Variants in HDAC9 observed in about 807,000 individuals in gnomAD.
HDAC9 encodes the protein histone deacetylase 9.
Under a neutral mutation model 139.4 loss-of-function variants are expected in HDAC9, and 41 were observed. That is an observed-to-expected ratio of 0.29 (90% confidence interval 0.23 to 0.38). The LOEUF (loss-of-function observed/expected upper bound fraction) is 0.38, where lower values mean the gene tolerates loss of function less well. HDAC9 is among the 10% of genes least tolerant of loss of function. HDAC9 has a pLI of 1.00. For synonymous variants in HDAC9, 517 were observed against 476.2 expected (o/e 1.09, Z -1.12); for missense variants, 1,147 against 1,297.0 (o/e 0.88, Z 1.78).
chr7:18,733,331 ATGTGTATGTGTG>A (rs1487630258), intron 13 of HDAC9, among the ~76,000 whole-genome samples: 10 of 149,990 alleles, frequency 6.7e-5, no homozygotes, highest in Non-Finnish European at 1.5e-4. Context: ...ACATGTATAT[ATGTGTATGTGTG>A]TGTGTATGTA....
chr7:18,138,529 T>A (rs980175229), intron 1 of HDAC9, among the ~76,000 whole-genome samples: 1 of 85,566 alleles, frequency 1.2e-5, no homozygotes, highest in Non-Finnish European at 2.0e-5. Flanking sequence ...GAGAGAGAGG[T>A]GTGTGTGTGT....
chr7:18,544,183 A>T (rs1441869207), intron 2 of HDAC9, among the ~76,000 whole-genome samples: 1 of 152,228 alleles, frequency 6.6e-6, no homozygotes, highest in Non-Finnish European at 1.5e-5. Context: ...GCTTGGATCT[A>T]GGTGACAACA....
chr7:18,218,944 A>G (rs1178375), intron 2 of HDAC9, among the ~76,000 whole-genome samples: 11,477 of 152,214 alleles, frequency 0.075, 843 homozygotes, highest in African/African-American at 0.19. Context: ...GGGTCAAGGC[A>G]TGTAAACATT....
At chr7:18,554,707 T>TC (rs1818266193) in intron 2 of HDAC9, among the ~76,000 whole-genome samples, 1 of 152,324 alleles carries the variant, frequency 6.6e-6, no homozygotes, top group East Asian at 1.9e-4. Context: ...TTCTTTTTTT[T>TC]CTGCCCTGGA....
intron 2 of HDAC9, among the ~76,000 whole-genome samples, chr7:18,247,259 A>G (rs1454859414): frequency 6.6e-6 from 1 of 152,024 alleles, no homozygotes; most frequent in Non-Finnish European, 1.5e-5. Flanking sequence ...GAAATCGCTG[A>G]GGGATTGAGT....
intron 2 of HDAC9, among the ~76,000 whole-genome samples, chr7:18,178,835 C>T (rs547264893): frequency 2.9e-4 from 44 of 152,238 alleles, no homozygotes; most frequent in South Asian, 1.0e-3. Context: ...GGAAAACATC[C>T]GGCTTAAAAT....
chr7:18,863,014 A>G (rs1460846345), intron 21 of HDAC9, among the ~76,000 whole-genome samples: 2 of 152,154 alleles, frequency 1.3e-5, no homozygotes, highest in Non-Finnish European at 2.9e-5. Context: ...TATTCTTGTA[A>G]TTATCATCCC....
intron 25 of HDAC9, among the ~76,000 whole-genome samples, chr7:18,986,346 G>T (rs1415680391): frequency 3.6e-5 from 1 of 28,138 alleles, no homozygotes; most frequent in African/African-American, 1.4e-4. Flanking sequence ...CCCATTGCTT[G>T]TTTTTCTCAG....
chr7:18,857,903 TGA>T (rs1306406396), intron 21 of HDAC9, among the ~76,000 whole-genome samples: 3 of 152,148 alleles, frequency 2.0e-5, no homozygotes, highest in Non-Finnish European at 4.4e-5. Flanking sequence ...ATCTGCTACT[TGA>T]AAAGATTTTT....
At chr7:18,739,980 A>G (rs961749956) in intron 13 of HDAC9, among the ~76,000 whole-genome samples, 8 of 152,154 alleles carry the variant, frequency 5.3e-5, no homozygotes, top group Non-Finnish European at 1.2e-4. Flanking sequence ...GCAATGGCAG[A>G]CACCCCTTCC....
chr7:18,313,722 AATAAC>A (rs2128627792), intron 1 of HDAC9, among the ~76,000 whole-genome samples: 1 of 152,320 alleles, frequency 6.6e-6, no homozygotes, highest in Non-Finnish European at 1.5e-5. Flanking sequence ...CCACTGGAAT[AATAAC>A]ATAGCCTTAA....
At chr7:18,136,904 A>G (rs960788565) in intron 1 of HDAC9, among the ~76,000 whole-genome samples, 1 of 151,614 alleles carries the variant, frequency 6.6e-6, no homozygotes, top group African/African-American at 2.4e-5. Flanking sequence ...CAGTATGGCC[A>G]TTTTCACGAT....
chr7:18,745,471 G>C (rs192430540), intron 13 of HDAC9, among the ~76,000 whole-genome samples: 2 of 148,552 alleles, frequency 1.3e-5, no homozygotes, highest in East Asian at 4.1e-4. Flanking sequence ...GGTAAGCTTA[G>C]ATATGTCAAG....
At chr7:18,895,217 T>C (rs1318809874) in intron 22 of HDAC9, among the ~76,000 whole-genome samples, 6 of 152,156 alleles carry the variant, frequency 3.9e-5, no homozygotes, top group African/African-American at 7.2e-5. Context: ...CCATATTCGA[T>C]AGGGCTCAGG....
chr7:18,340,955 A>G (rs7777798), intron 1 of HDAC9, among the ~76,000 whole-genome samples: 56,360 of 149,964 alleles, frequency 0.38, 12,156 homozygotes, highest in Non-Finnish European at 0.47. Context: ...AGTCTTTTCC[A>G]TTTTCTGTAA....
chr7:18,773,301 A>G (rs1376031903), intron 16 of HDAC9, among the ~76,000 whole-genome samples: 1 of 151,844 alleles, frequency 6.6e-6, no homozygotes, highest in Non-Finnish European at 1.5e-5. Context: ...TGCCATCATC[A>G]AAGCTTTATT....
At chr7:18,352,822 G>A (rs1231421913) in intron 1 of HDAC9, among the ~76,000 whole-genome samples, 1 of 151,920 alleles carries the variant, frequency 6.6e-6, no homozygotes, top group Non-Finnish European at 1.5e-5. Flanking sequence ...TCCATTTCAT[G>A]ATCCTTGTTT....
At chr7:18,344,210 C>G (rs1782229798) in intron 1 of HDAC9, among the ~76,000 whole-genome samples, 1 of 151,834 alleles carries the variant, frequency 6.6e-6, no homozygotes, top group Non-Finnish European at 1.5e-5. Flanking sequence ...TTTGCAAATG[C>G]TATGACTAGT....
chr7:18,235,123 A>G (rs1793730343), intron 2 of HDAC9, among the ~76,000 whole-genome samples: 2 of 152,180 alleles, frequency 1.3e-5, no homozygotes, highest in South Asian at 4.1e-4. Flanking sequence ...TTTGATGTGG[A>G]AAATCACTGC....
Sources: gnomAD v4.1 joint callset for allele counts (sites outside exome capture counted in the v4.1 genomes callset) on GRCh38, gnomAD v4.1.1 for gene constraint, MANE v1.5 for transcripts, NCBI Gene and HGNC (gene_info 2026-07-23, HGNC 2026-07-21) for gene names.